Variants in CRADD observed in about 807,000 individuals in gnomAD.
CRADD encodes the protein CARD and death domain containing adaptor protein, also known as death domain-containing protein CRADD.
In CRADD, 9 loss-of-function variants were observed where a neutral mutation model predicts 15.5. That is an observed-to-expected ratio of 0.58 (90% CI 0.35 to 1.01). The LOEUF is 1.01. CRADD is among the 50% of genes least tolerant of loss of function. The pLI is 0.02. For missense variants in CRADD, 227 were observed against 250.3 expected, an observed-to-expected ratio of 0.91 and a Z score of 0.63; for synonymous variants, 118 against 107.6, an observed-to-expected ratio of 1.10 and a Z score of -0.60.
chr12:93,763,754 G>A (rs995718114), intron 2 of CRADD, among the ~76,000 whole-genome samples: 3 of 152,128 alleles, frequency 2.0e-5, no homozygotes, highest in African/African-American at 7.2e-5. Flanking sequence ...TTTGGCCCCA[G>A]GCTGTGCTCA....
chr12:93,755,118 G>T (rs769904761), intron 2 of CRADD, among the ~76,000 whole-genome samples: 1 of 152,128 alleles, frequency 6.6e-6, no homozygotes, highest in African/African-American at 2.4e-5. Flanking sequence ...AAAACCATCA[G>T]ATCTCTTGAG....
chr12:93,838,915 A>G (rs890864342), intron 2 of CRADD, among the ~76,000 whole-genome samples: 3 of 149,040 alleles, frequency 2.0e-5, no homozygotes, highest in Non-Finnish European at 4.5e-5. Context: ...GGTGTGCACC[A>G]CCACACCTGG....
intron 2 of CRADD, among the ~76,000 whole-genome samples, chr12:93,682,184 A>G (rs1363092043): frequency 6.6e-6 from 1 of 152,180 alleles, no homozygotes; most frequent in Non-Finnish European, 1.5e-5. Context: ...TCCAGAACCT[A>G]CTGCCTAAGA....
intron 2 of CRADD, chr12:93,849,233 G>T (rs557241562): frequency 1.3e-5 from 2 of 152,380 alleles, no homozygotes; most frequent in African/African-American, 4.8e-5. Flanking sequence ...CAGTGCCAGA[G>T]GGAGCTGGGG....
intron 2 of CRADD, among the ~76,000 whole-genome samples, chr12:93,719,386 A>C (rs1164735875): frequency 2.0e-5 from 3 of 152,158 alleles, no homozygotes; most frequent in Admixed American, 6.5e-5. Flanking sequence ...TTTATGTTCA[A>C]GAGAGACATT....
chr12:93,703,228 C>T (rs1163088576), intron 2 of CRADD, among the ~76,000 whole-genome samples: 5 of 152,034 alleles, frequency 3.3e-5, no homozygotes, highest in African/African-American at 1.2e-4. Flanking sequence ...TTTAAAAAGT[C>T]CTTTTAATTT....
At chr12:93,760,261 C>T (rs545030820) in intron 2 of CRADD, among the ~76,000 whole-genome samples, 30 of 152,186 alleles carry the variant, frequency 2.0e-4, no homozygotes, top group South Asian at 1.9e-3. Context: ...TGGAAAAGAG[C>T]GAAGCTACTT....
intron 2 of CRADD, among the ~76,000 whole-genome samples, chr12:93,721,545 A>AG (rs375155478): frequency 6.3e-4 from 96 of 152,318 alleles, no homozygotes; most frequent in African/African-American, 2.2e-3. Context: ...TATTTGAAAA[A>AG]TAAGGGATAA....
chr12:93,826,426 T>C (rs1376790837), intron 2 of CRADD, among the ~76,000 whole-genome samples: 1 of 152,220 alleles, frequency 6.6e-6, no homozygotes. Flanking sequence ...TGCTGCAGCC[T>C]CTGGAATTTT....
intron 2 of CRADD, chr12:93,737,951 T>G (rs1052292139): frequency 2.5e-5 from 7 of 280,698 alleles, no homozygotes; most frequent in African/African-American, 1.5e-4. Flanking sequence ...AATTTCAGGG[T>G]GATAAAATAA....
chr12:93,833,437 C>G (rs1184157241), intron 2 of CRADD, among the ~76,000 whole-genome samples: 1 of 152,148 alleles, frequency 6.6e-6, no homozygotes, highest in East Asian at 1.9e-4. Context: ...CTCTCAGGCC[C>G]AAGCAATCCT....
intron 2 of CRADD, among the ~76,000 whole-genome samples, chr12:93,871,182 T>G (rs1238614171): frequency 6.6e-6 from 1 of 152,260 alleles, no homozygotes. Flanking sequence ...TTTATTTATT[T>G]ACTTAGGCTA....
chr12:93,710,645 A>G (rs1232869889), intron 2 of CRADD, among the ~76,000 whole-genome samples: 1 of 152,102 alleles, frequency 6.6e-6, no homozygotes, highest in African/African-American at 2.4e-5. Context: ...ATGCCTGGCC[A>G]GCTTCTATTT....
chr12:93,742,457 GC>G (rs1351242519), intron 2 of CRADD, among the ~76,000 whole-genome samples: 1 of 150,894 alleles, frequency 6.6e-6, no homozygotes, highest in African/African-American at 2.4e-5. Context: ...GCCTCTGCGG[GC>G]CCCGGCTGCC....
chr12:93,817,625 C>T (rs1957720507), intron 2 of CRADD, among the ~76,000 whole-genome samples: 2 of 152,046 alleles, frequency 1.3e-5, no homozygotes, highest in African/African-American at 4.8e-5. Flanking sequence ...CCCTTTTCTT[C>T]CCCTACTCCT....
chr12:93,808,761 T>C (rs1000695224), intron 2 of CRADD, among the ~76,000 whole-genome samples: 3 of 152,098 alleles, frequency 2.0e-5, no homozygotes, highest in Non-Finnish European at 4.4e-5. Context: ...AGTACTGCAT[T>C]GCTTGCCCAG....
intron 2 of CRADD, among the ~76,000 whole-genome samples, chr12:93,799,669 T>A (rs190680550): frequency 5.3e-5 from 8 of 152,346 alleles, no homozygotes; most frequent in Non-Finnish European, 2.9e-5. Flanking sequence ...AAAATAAAGA[T>A]ATGAAATAAT....
intron 2 of CRADD, among the ~76,000 whole-genome samples, chr12:93,884,092 A>G (rs1196453331): frequency 6.6e-6 from 1 of 152,176 alleles, no homozygotes; most frequent in Admixed American, 6.5e-5. Flanking sequence ...AGAGGGGACT[A>G]AAAAAGGGTA....
intron 2 of CRADD, chr12:93,848,640 T>A (rs1323041743): frequency 6.6e-6 from 1 of 152,460 alleles, no homozygotes; most frequent in Non-Finnish European, 1.5e-5. Context: ...CCTTTGCACA[T>A]GCAATTCTCT....
Sources: gnomAD v4.1 joint callset for allele counts (sites outside exome capture counted in the v4.1 genomes callset) on GRCh38, gnomAD v4.1.1 for gene constraint, MANE v1.5 for transcripts, NCBI Gene and HGNC (gene_info 2026-07-23, HGNC 2026-07-21) for gene names.